MARF1: variants seen among roughly 807,000 people sequenced by gnomAD.
MARF1 encodes the protein limkain-b1.
Under a neutral mutation model 168.2 loss-of-function variants are expected in MARF1, and 24 were observed. The observed-to-expected ratio is 0.14, with a 90% CI of 0.10 to 0.20. The LOEUF is 0.20. Ranked by LOEUF, MARF1 falls within the 10% of genes least tolerant of loss-of-function variation. The probability of loss-of-function intolerance (pLI) is 1.00; values close to 1 mark genes in which losing one functional copy is unlikely to be tolerated. For missense variants in MARF1, 1,744 were observed against 2,143.6 expected (o/e 0.81, Z 3.68); for synonymous variants, 868 against 822.4 (o/e 1.06, Z -0.95).
In MARF1 at chr16:15,604,303, C is replaced by A; in HGVS notation, c.4278G>T (p.Trp1426Cys). The change falls in exon 22 of 27, where the codon TGG (tryptophan) becomes TGT (cysteine). Residue 1426 changes from tryptophan to cysteine, a missense_variant. Transcript: ENST00000396368. ...CAACAGAAAGATGGGTGGTTCCTTC[C>A]CAAGACATCAACAATACCAGCAACT... ...TAQLLVLLMS[W>C]EGTTHLSVEE... The A allele has an allele frequency of 6.2e-7, 1 of 1,614,058 alleles. No individual in the cohort carries two copies. The highest frequency in any genetic ancestry group is 8.5e-7 in the Non-Finnish European group (1 of 1,179,976).
chr16:15,597,290 T>TA (rs2031817744), intron 26 of MARF1, among the ~76,000 whole-genome samples: 1 of 152,194 alleles, frequency 6.6e-6, no homozygotes, highest in African/African-American at 2.4e-5. Context: ...ATCCACGACT[T>TA]AGAGACTTCC....
In MARF1 at chr16:15,610,989, C is replaced by A; in HGVS notation, c.3737G>T (p.Cys1246Phe). Residue 1246 changes from cysteine to phenylalanine, a missense_variant, in exon 19 of 27, where the codon TGT (cysteine) becomes TTT (phenylalanine). By Grantham distance (205) the Cys-to-Phe change is radical (BLOSUM62 -2). This residue lies in a region of MARF1 where 543 missense variants were observed against 742.1 expected (regional missense o/e 0.73). Transcript: ENST00000396368. ...AAGTCACATACCTCTTTTGGGGATA[C>A]AAATCACCATTTCATTATCTTGTTG... ...LSQQDNEMVI[C>F]IPKRERTQDE... 6.2e-7 allele frequency: 1 copy of A among 1,613,626 alleles called. No individual in the cohort carries two copies. Among genetic ancestry groups the A allele is most frequent in the Non-Finnish European group, 8.5e-7 (1 of 1,179,678 alleles).
intron 4 of MARF1, among the ~76,000 whole-genome samples, 191 bp from the exon 5 acceptor site, chr16:15,634,034 G>T (rs141863634): frequency 7.2e-5 from 11 of 152,160 alleles, no homozygotes; most frequent in Non-Finnish European, 1.5e-4. Context: ...CACTCTAAGA[G>T]ATTATTTCTG....
At chr16:15,606,569 CCTCT>C (rs767258758) in intron 21 of MARF1, among the ~76,000 whole-genome samples, 1 of 152,062 alleles carries the variant, frequency 6.6e-6, no homozygotes, top group Non-Finnish European at 1.5e-5. Flanking sequence ...GAGATCAGTC[CCTCT>C]CTCTAGTGGA....
At chr16:15,611,231 G>A in intron 18 of MARF1, 123 bp from the exon 19 acceptor site, 1 of 874,402 alleles carries the variant, frequency 1.1e-6, no homozygotes, top group South Asian at 1.6e-5. Context: ...GGCCGAGGTG[G>A]ACGGATCACG....
intron 18 of MARF1, 68 bp downstream of exon 18, chr16:15,611,524 T>G (rs1403300929): frequency 7.1e-7 from 1 of 1,405,306 alleles, no homozygotes; most frequent in Non-Finnish European, 9.9e-7. Flanking sequence ...GATAACTATT[T>G]AGAGTTTGGC....
At chr16:15,629,570 T>G (rs1276824122) in intron 7 of MARF1, among the ~76,000 whole-genome samples, 1 of 152,218 alleles carries the variant, frequency 6.6e-6, no homozygotes, top group African/African-American at 2.4e-5. Flanking sequence ...TATTAAATTA[T>G]ATGTGAAGAC....
chr16:15,599,054 C>T, intron 25 of MARF1, 30 bp from the exon 26 acceptor site: 1 of 1,601,766 alleles, frequency 6.2e-7, no homozygotes, highest in Non-Finnish European at 8.5e-7. Flanking sequence ...CGTGACACCA[C>T]AGGACCTCCA....
chr16:15,619,885 C>T (rs2034322747), intron 13 of MARF1, among the ~76,000 whole-genome samples: 1 of 152,154 alleles, frequency 6.6e-6, no homozygotes, highest in Non-Finnish European at 1.5e-5. Context: ...AAAACTTGGC[C>T]AGGCGCAGTG....
chr16:15,618,346 A>G (rs900691153), intron 13 of MARF1, among the ~76,000 whole-genome samples: 1 of 152,080 alleles, frequency 6.6e-6, no homozygotes, highest in Non-Finnish European at 1.5e-5. Context: ...CCGGAGAGAC[A>G]CACTCTCCCT....
At chr16:15,629,749 A>G (rs1320387618) in intron 7 of MARF1, among the ~76,000 whole-genome samples, 2 of 152,212 alleles carry the variant, frequency 1.3e-5, no homozygotes, top group Admixed American at 6.5e-5. Context: ...CAGAAATGCT[A>G]GTCCTGGAAA....
At chr16:15,599,089 G>A in intron 25 of MARF1, 65 bp from the exon 26 acceptor site, 1 of 1,451,070 alleles carries the variant, frequency 6.9e-7, no homozygotes. Flanking sequence ...ACACACCCTG[G>A]GCTCACACCT....
At chr16:15,623,972 T>G (rs2151204574) in intron 10 of MARF1, among the ~76,000 whole-genome samples, 1 of 149,358 alleles carries the variant, frequency 6.7e-6, no homozygotes, top group South Asian at 2.2e-4. Context: ...AGTGCAGTCA[T>G]GCGATCTGAG....
chr16:15,641,714 A>T (rs985842901), intron 1 of MARF1, among the ~76,000 whole-genome samples: 1 of 152,210 alleles, frequency 6.6e-6, no homozygotes, highest in Non-Finnish European at 1.5e-5. Context: ...GAGAGAGAAA[A>T]AGAAACTTAA....
At chr16:15,599,200 G>T in intron 25 of MARF1, 176 bp from the exon 26 acceptor site, 1 of 638,152 alleles carries the variant, frequency 1.6e-6, no homozygotes, top group Non-Finnish European at 2.7e-6. Context: ...CCACTAACAG[G>T]AAGATCCTGG....
chr16:15,623,044 G>T lies in MARF1; in HGVS notation c.2350C>A (p.Pro784Thr). The change falls in exon 11 of 27, where the codon CCA (proline) becomes ACA (threonine). Residue 784 changes from proline (P) to threonine (T), a missense_variant. Transcript: ENST00000396368. The part of the protein sequence containing the change: ...IANSSSEADC[P>T]DPFANGADVQ... ...TCAGCACCATTTGCAAATGGGTCTG[G>T]GCAGTCGGCTTCGCTGCTCGAATTT... is the stretch of plus-strand genomic sequence containing the variant. 2 of 1,611,486 alleles carry T rather than the reference G, an allele frequency of 1.2e-6. No individual in the cohort carries two copies. The highest frequency in any genetic ancestry group is 1.7e-6 in the Non-Finnish European group (2 of 1,177,820).
chr16:15,639,291 CCT>C lies in MARF1; in HGVS notation c.-58-2_-58-1del, dbSNP rs1208169880. ...TCTTTCTTTTCTTTCATTCTTCCACCCTGTTAAGAATGAGTAAGATTTCAGTG... is the reference window on the plus strand; with the variant it reads ...TCTTTCTTTTCTTTCATTCTTCCACCGTTAAGAATGAGTAAGATTTCAGTG... On this transcript the variant is annotated splice_acceptor_variant, in intron 1 of 26. Transcript: ENST00000396368. LOFTEE classifies it low-confidence loss of function (5UTR_SPLICE). 3 of 1,551,560 alleles carry C rather than the reference CCT, an allele frequency of 1.9e-6. No homozygotes were observed. The highest frequency in any genetic ancestry group is 2.3e-5 in the East Asian group (1 of 44,394).
At chr16:15,606,786 T>C (rs1161225604) in intron 21 of MARF1, among the ~76,000 whole-genome samples, 1 of 152,168 alleles carries the variant, frequency 6.6e-6, no homozygotes, top group Admixed American at 6.5e-5. Context: ...TCCACATCAA[T>C]GGCTTTCAGA....
intron 20 of MARF1, chr16:15,608,851 C>G (rs186830095): frequency 7.1e-5 from 24 of 337,126 alleles, no homozygotes; most frequent in Admixed American, 7.1e-4. Flanking sequence ...AACTTAGCAA[C>G]AGCGAACAGC....
Sources: allele counts gnomAD v4.1 joint callset (sites outside exome capture counted in the v4.1 genomes callset), GRCh38; gene constraint gnomAD v4.1.1; regional missense constraint gnomAD v4.1.1; transcripts MANE v1.5; gene names NCBI Gene and HGNC (gene_info 2026-07-23, HGNC 2026-07-21).